HGF: variants seen among roughly 807,000 people sequenced by gnomAD.
The protein encoded by HGF is fibroblast-derived tumor cytotoxic factor.
HGF carries 39 observed loss-of-function variants against 111.6 expected under a neutral mutation model. That is an observed-to-expected ratio of 0.35 (90% CI 0.27 to 0.46). HGF has a LOEUF of 0.46. HGF is among the 20% of genes least tolerant of loss of function. The pLI, the probability that HGF is intolerant of heterozygous loss-of-function variation, is 1.00. For synonymous variants in HGF, 285 were observed against 294.8 expected, an observed-to-expected ratio of 0.97 and a Z score of 0.34; for missense variants, 735 against 910.5, an observed-to-expected ratio of 0.81 and a Z score of 2.48.
intron 5 of HGF, among the ~76,000 whole-genome samples, chr7:81,750,521 A>G (rs1788447886): frequency 6.6e-6 from 1 of 152,220 alleles, no homozygotes; most frequent in African/African-American, 2.4e-5. Context: ...TAATGAGATA[A>G]GAATAACTGA....
Position 81,707,284 on chromosome 7 carries a change from C to A in HGF, c.1616+6G>T. 6.5e-7 allele frequency: 1 copy of A among 1,541,222 alleles called. No homozygotes were observed. The highest frequency in any genetic ancestry group is 9.0e-7 in the Non-Finnish European group (1 of 1,114,374). On this transcript the variant is annotated splice_donor_region_variant and intron_variant, in intron 14 of 17. Coordinates refer to ENST00000222390, the MANE Select transcript of HGF (RefSeq NM_000601.6). ...CAAAATAATACTAGTTTTAAAAACACTTTACCGAGAAGGGAAACACTGTCG... is the reference window on the plus strand; with the variant it reads ...CAAAATAATACTAGTTTTAAAAACAATTTACCGAGAAGGGAAACACTGTCG...
intron 7 of HGF, among the ~76,000 whole-genome samples, chr7:81,739,531 T>C (rs1183513305): frequency 1.4e-5 from 2 of 143,934 alleles, no homozygotes; most frequent in Non-Finnish European, 1.5e-5. Flanking sequence ...TAATGTATTT[T>C]CAAAGATCTT....
Position 81,751,915 on chromosome 7 carries a change from T to C in HGF, c.625+205A>G, listed in dbSNP as rs1054468214. 7.2e-6 allele frequency: 10 copies of C among 1,395,422 alleles called. No individual in the cohort carries two copies. The African/African-American group carries it at 1.5e-4, about 20-fold the overall frequency. The allele number at this position is 1,395,422 out of a possible 1,614,324, so 86.4% of individuals were successfully genotyped here. ...CAGTGTTGAAATTCAAACTGATAACTCGCTCTGTTATTTTGCATTAATCTG... is the reference window on the plus strand; with the variant it reads ...CAGTGTTGAAATTCAAACTGATAACCCGCTCTGTTATTTTGCATTAATCTG... On this transcript the variant is annotated intron_variant, in intron 5 of 17. Transcript: ENST00000222390.
rs191189440 is a variant in HGF at position 81,721,041 on chromosome 7, C to G, written c.1169-194G>C. On this transcript the variant is annotated intron_variant, in intron 9 of 17. Coordinates refer to ENST00000222390, the MANE Select transcript of HGF (RefSeq NM_000601.6). ...CGGGCCCATCACGAGGTCAGGAGAT[C>G]GAGACCATCCTGGCTAACACGGTGA... Among the ~76,000 whole-genome samples the G allele has an allele frequency of 1.7e-4, 26 of 152,294 alleles. No homozygotes were observed. In the East Asian group the frequency reaches 2.3e-3, roughly 14 times the overall value.
chr7:81,739,597 T>A (rs990443607), intron 7 of HGF, among the ~76,000 whole-genome samples: 3 of 152,138 alleles, frequency 2.0e-5, no homozygotes, highest in Non-Finnish European at 4.4e-5. Context: ...ACAGTAAAAT[T>A]CAGGTAAAGT....
chr7:81,713,081 GTAGA>G (rs1219150586), intron 11 of HGF, among the ~76,000 whole-genome samples: 2 of 152,048 alleles, frequency 1.3e-5, no homozygotes, highest in Non-Finnish European at 2.9e-5. Flanking sequence ...TGTTAAATAA[GTAGA>G]TATTTATTTC....
chr7:81,750,894 A>C (rs976685923), intron 5 of HGF: 12 of 832,530 alleles, frequency 1.4e-5, no homozygotes, highest in Non-Finnish European at 1.7e-5. Context: ...AGACTTGTTC[A>C]AAACGTGATC....
At chr7:81,717,457 C>G in intron 10 of HGF, 92 bp from the exon 11 acceptor site, 1 of 1,232,672 alleles carries the variant, frequency 8.1e-7, no homozygotes, top group South Asian at 1.2e-5. Context: ...CAGCACATTA[C>G]TTTCACTGTA....
At chr7:81,708,947 G>A (rs905574897) in intron 13 of HGF, among the ~76,000 whole-genome samples, 1 of 151,896 alleles carries the variant, frequency 6.6e-6, no homozygotes, top group African/African-American at 2.4e-5. Context: ...TGAGAAAAGG[G>A]TATACTAAAA....
chr7:81,741,037 T>C (rs2115999539), intron 7 of HGF, among the ~76,000 whole-genome samples: 1 of 152,368 alleles, frequency 6.6e-6, no homozygotes, highest in South Asian at 2.1e-4. Flanking sequence ...GGCTTTACTA[T>C]ATATGTGAAC....
intron 7 of HGF, among the ~76,000 whole-genome samples, chr7:81,741,058 A>G (rs1052829795): frequency 6.6e-6 from 1 of 152,218 alleles, no homozygotes; most frequent in Non-Finnish European, 1.5e-5. Context: ...CAAAACATTT[A>G]AAAGAATATT....
chr7:81,726,141 C>T (rs1431419718), intron 8 of HGF, 124 bp from the exon 9 acceptor site: 4 of 894,088 alleles, frequency 4.5e-6, no homozygotes, highest in Non-Finnish European at 7.4e-6. Flanking sequence ...ACTTTTTGGA[C>T]TCAGAATAGC....
intron 1 of HGF, among the ~76,000 whole-genome samples, chr7:81,765,479 A>G (rs13438687): frequency 0.023 from 3,554 of 152,230 alleles, 127 homozygotes; most frequent in African/African-American, 0.081. Flanking sequence ...ACAAATAGAA[A>G]TGAAAAGCTT....
intron 2 of HGF, 21 bp downstream of exon 2, chr7:81,762,686 G>A: frequency 6.4e-7 from 1 of 1,562,700 alleles, no homozygotes; most frequent in South Asian, 1.1e-5. Flanking sequence ...ATTATTCTAA[G>A]AAGAAAATGA....
At chr7:81,716,508 G>T (rs768948253) in intron 11 of HGF, among the ~76,000 whole-genome samples, 9 of 151,904 alleles carry the variant, frequency 5.9e-5, no homozygotes, top group Non-Finnish European at 1.2e-4. Flanking sequence ...TTTTTCCTAC[G>T]AATATGTTTT....
chr7:81,724,598 C>T (rs1372568383), intron 9 of HGF, among the ~76,000 whole-genome samples: 1 of 152,104 alleles, frequency 6.6e-6, no homozygotes, highest in Non-Finnish European at 1.5e-5. Flanking sequence ...ATTTTACGTT[C>T]ATGGGTACAT....
intron 7 of HGF, among the ~76,000 whole-genome samples, chr7:81,733,866 C>A (rs1222634046): frequency 6.6e-6 from 1 of 152,058 alleles, no homozygotes; most frequent in African/African-American, 2.4e-5. Context: ...ATTAATTATT[C>A]CTCGATGGCA....
At chr7:81,723,789 T>G (rs1393109901) in intron 9 of HGF, among the ~76,000 whole-genome samples, 1 of 150,762 alleles carries the variant, frequency 6.6e-6, no homozygotes, top group Non-Finnish European at 1.5e-5. Context: ...AGTAACATCT[T>G]TCATATATAT....
chr7:81,724,594 C>T (rs148452310), intron 9 of HGF, among the ~76,000 whole-genome samples: 21 of 152,138 alleles, frequency 1.4e-4, no homozygotes, highest in African/African-American at 3.9e-4. Flanking sequence ...AATTATTTTA[C>T]GTTCATGGGT....
Sources: gnomAD v4.1 joint callset for allele counts (sites outside exome capture counted in the v4.1 genomes callset) on GRCh38, gnomAD v4.1.1 for gene constraint, MANE v1.5 for transcripts, NCBI Gene and HGNC (gene_info 2026-07-23, HGNC 2026-07-21) for gene names.